AUTS2: variants seen among roughly 807,000 people sequenced by gnomAD.
The protein encoded by AUTS2 is activator of transcription and developmental regulator AUTS2.
In AUTS2, 17 loss-of-function variants were observed where a neutral mutation model predicts 112.4. The observed-to-expected ratio is 0.15, with a 90% confidence interval of 0.10 to 0.23. AUTS2 has a LOEUF of 0.23. Among genes scored for constraint, AUTS2 ranks in the 10% least tolerant of loss-of-function variants. The pLI is 1.00. For missense variants in AUTS2, 1,510 were observed against 1,701.6 expected (o/e 0.89, Z 1.98); for synonymous variants, 751 against 702.7 (o/e 1.07, Z -1.09).
intron 1 of AUTS2, among the ~76,000 whole-genome samples, chr7:69,667,318 G>A (rs1287957715): frequency 1.3e-5 from 2 of 151,382 alleles, no homozygotes; most frequent in East Asian, 3.9e-4. Context: ...TCAAACCATA[G>A]CAGTGCCAAA....
chr7:70,791,165 TTA>T lies in AUTS2; in HGVS notation c.*173_*174del, dbSNP rs1335567814. ...TGCACATTTTGAAATGTTTTGTATA[TTA>T]TATGTTGAGATTTTTCAGATCTTTT... On this transcript the variant is annotated 3_prime_UTR_variant, in exon 19 of 19. Transcript: ENST00000342771. 9.6e-6 allele frequency: 6 copies of T among 623,864 alleles called. No homozygotes were observed. Among genetic ancestry groups the T allele is most frequent in the Non-Finnish European group, 1.2e-5 (5 of 428,438 alleles). The allele number at this position is 623,864 out of a possible 1,614,324, so 38.6% of individuals were successfully genotyped here. A position where few individuals can be genotyped will look rare whatever the true frequency, so the allele number is the denominator to read the frequency against.
intron 4 of AUTS2, chr7:70,290,944 T>C (rs1788681153): frequency 6.5e-6 from 1 of 153,710 alleles, no homozygotes; most frequent in South Asian, 2.0e-4. Context: ...AGATAGGTGG[T>C]CTAATTTTAC....
intron 4 of AUTS2, among the ~76,000 whole-genome samples, chr7:70,166,385 T>C (rs1408742106): frequency 6.6e-6 from 1 of 152,154 alleles, no homozygotes; most frequent in East Asian, 1.9e-4. Flanking sequence ...AAAGCAAAAA[T>C]AATAATTCTA....
chr7:69,826,497 C>T (rs1791251848), intron 1 of AUTS2, among the ~76,000 whole-genome samples: 2 of 152,242 alleles, frequency 1.3e-5, no homozygotes, highest in South Asian at 4.1e-4. Context: ...TCCTGGCTGT[C>T]ATAGTTGAAT....
chr7:70,621,838 C>CTCTTTTTTT, intron 5 of AUTS2, among the ~76,000 whole-genome samples: 1 of 66,816 alleles, frequency 1.5e-5, no homozygotes, highest in East Asian at 5.0e-4. Flanking sequence ...TAGTCATTCT[C>CTCTTTTTTT]TTTTTTTTTT....
intron 5 of AUTS2, among the ~76,000 whole-genome samples, chr7:70,640,975 C>T (rs1009473407): frequency 6.6e-6 from 1 of 152,156 alleles, no homozygotes; most frequent in Non-Finnish European, 1.5e-5. Flanking sequence ...CACATCATTT[C>T]TCACCTCCCA....
intron 5 of AUTS2, among the ~76,000 whole-genome samples, chr7:70,574,000 G>A (rs1456169109): frequency 6.6e-6 from 1 of 152,082 alleles, no homozygotes; most frequent in Non-Finnish European, 1.5e-5. Context: ...TGTGAGCCTG[G>A]CTGTGCAGTT....
chr7:70,067,809 A>T (rs1350754208), intron 2 of AUTS2, among the ~76,000 whole-genome samples: 1 of 151,946 alleles, frequency 6.6e-6, no homozygotes, highest in East Asian at 1.9e-4. Context: ...GCCCGTGATC[A>T]CACCACTGCT....
At chr7:69,949,521 T>C (rs1796947190) in intron 2 of AUTS2, among the ~76,000 whole-genome samples, 1 of 152,210 alleles carries the variant, frequency 6.6e-6, no homozygotes. Context: ...CCAGTGTGCA[T>C]TTTGCCTTGC....
intron 5 of AUTS2, among the ~76,000 whole-genome samples, chr7:70,629,906 T>C (rs1026247334): frequency 4.6e-5 from 7 of 152,240 alleles, no homozygotes; most frequent in Non-Finnish European, 8.8e-5. Flanking sequence ...TATGGATTTA[T>C]ACCATAAATA....
intron 1 of AUTS2, among the ~76,000 whole-genome samples, chr7:69,728,975 A>G (rs1361133496): frequency 6.6e-6 from 1 of 152,124 alleles, no homozygotes; most frequent in Non-Finnish European, 1.5e-5. Context: ...TTAGTGAGCT[A>G]GATTTTACAG....
intron 5 of AUTS2, among the ~76,000 whole-genome samples, chr7:70,607,742 C>CA (rs769497706): frequency 2.6e-5 from 4 of 151,708 alleles, no homozygotes; most frequent in Non-Finnish European, 5.9e-5. Flanking sequence ...GTGGTACACA[C>CA]AAAAAAAGAA....
chr7:70,396,332 C>T (rs1003334348), intron 4 of AUTS2, among the ~76,000 whole-genome samples: 8 of 151,770 alleles, frequency 5.3e-5, no homozygotes, highest in Non-Finnish European at 1.2e-4. Context: ...AATCTTATAG[C>T]GTGTATACTT....
At chr7:70,667,456 C>A (rs960652002) in intron 5 of AUTS2, among the ~76,000 whole-genome samples, 2 of 152,192 alleles carry the variant, frequency 1.3e-5, no homozygotes, top group African/African-American at 4.8e-5. Context: ...TGACACAAGG[C>A]CCCCAAAGAA....
intron 4 of AUTS2, among the ~76,000 whole-genome samples, chr7:70,233,043 C>T (rs1252511121): frequency 6.6e-6 from 1 of 152,164 alleles, no homozygotes; most frequent in East Asian, 1.9e-4. Flanking sequence ...TGTACAAAAG[C>T]AGACATTACT....
At chr7:70,270,687 T>C (rs1456714163) in intron 4 of AUTS2, among the ~76,000 whole-genome samples, 1 of 152,128 alleles carries the variant, frequency 6.6e-6, no homozygotes, top group Non-Finnish European at 1.5e-5. Context: ...AGGGGACATA[T>C]CAAGTAGTGT....
intron 5 of AUTS2, among the ~76,000 whole-genome samples, chr7:70,564,779 T>C (rs545483637): frequency 1.2e-3 from 184 of 152,278 alleles, no homozygotes; most frequent in African/African-American, 4.2e-3. Flanking sequence ...TGTGAGGTTT[T>C]TTTAGTACGA....
intron 5 of AUTS2, among the ~76,000 whole-genome samples, chr7:70,607,777 A>C (rs1803863453): frequency 6.6e-6 from 1 of 152,240 alleles, no homozygotes; most frequent in East Asian, 1.9e-4. Flanking sequence ...AGATATTTAT[A>C]TTTAGGGAAA....
At chr7:70,564,014 G>A (rs1164606953) in intron 5 of AUTS2, among the ~76,000 whole-genome samples, 2 of 152,122 alleles carry the variant, frequency 1.3e-5, no homozygotes, top group African/African-American at 4.8e-5. Flanking sequence ...CCTGAGAAAG[G>A]TTTAAGTCGG....
Sources: allele counts gnomAD v4.1 joint callset (sites outside exome capture counted in the v4.1 genomes callset), GRCh38; gene constraint gnomAD v4.1.1; transcripts MANE v1.5; gene names NCBI Gene and HGNC (gene_info 2026-07-23, HGNC 2026-07-21).